The following GALNTL6 variants were observed in gnomAD, a reference collection of about 807,000 sequenced individuals.
GALNTL6 encodes polypeptide N-acetylgalactosaminyltransferase like 6.
A neutral mutation model predicts 73.7 loss-of-function variants in GALNTL6; 46 were observed. That is an observed-to-expected ratio of 0.62 (90% CI 0.49 to 0.80). GALNTL6 has a LOEUF of 0.80. Among genes scored for constraint, GALNTL6 ranks in the 30% least tolerant of loss-of-function variants. The pLI is 0.00. For synonymous variants in GALNTL6, 259 were observed against 263.7 expected (o/e 0.98, Z 0.17); for missense variants, 604 against 755.0 (o/e 0.80, Z 2.34).
chr4:172,974,550 A>G (rs911763119), intron 10 of GALNTL6, among the ~76,000 whole-genome samples: 1 of 152,250 alleles, frequency 6.6e-6, no homozygotes, highest in African/African-American at 2.4e-5. Flanking sequence ...AGATAGCAGT[A>G]GAGGCCACAC....
At chr4:171,917,754 A>T in intron 2 of GALNTL6, among the ~76,000 whole-genome samples, 1 of 152,272 alleles carries the variant, frequency 6.6e-6, no homozygotes, top group East Asian at 1.9e-4. Flanking sequence ...CTTACAAATT[A>T]TAATCAGAAG....
chr4:172,512,534 T>C, intron 5 of GALNTL6, among the ~76,000 whole-genome samples: 1 of 152,190 alleles, frequency 6.6e-6, no homozygotes, highest in Non-Finnish European at 1.5e-5. Context: ...ATTTTATATG[T>C]CCTGTGAGGT....
intron 5 of GALNTL6, among the ~76,000 whole-genome samples, chr4:172,649,698 T>G (rs1390910744): frequency 6.6e-6 from 1 of 152,218 alleles, no homozygotes; most frequent in Non-Finnish European, 1.5e-5. Flanking sequence ...ATAAGTTAAT[T>G]AAGTACGAAG....
chr4:172,325,690 A>G (rs994040430), intron 4 of GALNTL6, among the ~76,000 whole-genome samples: 2 of 151,974 alleles, frequency 1.3e-5, no homozygotes, highest in African/African-American at 4.8e-5. Flanking sequence ...AAATGGTAAA[A>G]TACTCATTTT....
chr4:172,199,389 A>G (rs1310387251), intron 2 of GALNTL6, among the ~76,000 whole-genome samples: 3 of 152,198 alleles, frequency 2.0e-5, no homozygotes, highest in Non-Finnish European at 4.4e-5. Flanking sequence ...ATATAACATG[A>G]TATTTTTGCA....
At chr4:172,823,354 C>A (rs896413636) in intron 7 of GALNTL6, among the ~76,000 whole-genome samples, 1 of 152,218 alleles carries the variant, frequency 6.6e-6, no homozygotes, top group Non-Finnish European at 1.5e-5. Context: ...TTTTCCTAAT[C>A]ATTTCAACAT....
At chr4:172,905,875 C>T (rs1746864253) in intron 8 of GALNTL6, among the ~76,000 whole-genome samples, 1 of 143,314 alleles carries the variant, frequency 7.0e-6, no homozygotes, top group African/African-American at 2.6e-5. Context: ...TAAATTTATC[C>T]TTAACAAAAC....
chr4:173,008,204 G>A (rs1022452278), intron 10 of GALNTL6, among the ~76,000 whole-genome samples: 29 of 152,180 alleles, frequency 1.9e-4, no homozygotes, highest in Admixed American at 7.2e-4. Flanking sequence ...TGGTTCACTC[G>A]CCTCCATCAC....
At chr4:172,994,902 G>A (rs1751707293) in intron 10 of GALNTL6, among the ~76,000 whole-genome samples, 1 of 152,120 alleles carries the variant, frequency 6.6e-6, no homozygotes, top group South Asian at 2.1e-4. Context: ...CTTACACAGA[G>A]CTTAACAACT....
intron 2 of GALNTL6, among the ~76,000 whole-genome samples, chr4:171,881,915 G>A (rs1053193625): frequency 4.6e-5 from 7 of 152,154 alleles, no homozygotes; most frequent in Non-Finnish European, 8.8e-5. Flanking sequence ...ATCCATATGT[G>A]AGCAAAAAGT....
chr4:171,970,688 CA>C, intron 2 of GALNTL6, among the ~76,000 whole-genome samples: 1 of 152,070 alleles, frequency 6.6e-6, no homozygotes, highest in South Asian at 2.1e-4. Context: ...TTTAAAAACT[CA>C]AAAATGTGTT....
intron 2 of GALNTL6, among the ~76,000 whole-genome samples, chr4:171,898,457 C>G (rs2110938430): frequency 6.6e-6 from 1 of 152,100 alleles, no homozygotes; most frequent in East Asian, 1.9e-4. Context: ...ACACAAATAT[C>G]CATCAGCTAG....
chr4:172,398,178 A>G lies in GALNTL6; in HGVS notation c.553+49489A>G, dbSNP rs78918312. ...CAACATTACATATTTTATGGAGAGA[A>G]ATTTAGGAAAACAATTACATATTCT... On this transcript the variant is annotated intron_variant, in intron 5 of 12. Transcript: ENST00000506823. Among the ~76,000 whole-genome samples the G allele has an allele frequency of 1.1e-3, 165 of 152,314 alleles. 2 individuals are homozygous for G. In the East Asian group the frequency reaches 0.025, roughly 23 times the overall value.
intron 2 of GALNTL6, among the ~76,000 whole-genome samples, chr4:172,141,101 A>G (rs1381605273): frequency 1.3e-5 from 2 of 152,054 alleles, no homozygotes; most frequent in Non-Finnish European, 2.9e-5. Flanking sequence ...GAACCAAAGA[A>G]AAATAATTTT....
chr4:172,306,652 T>G (rs1740146851), intron 3 of GALNTL6, among the ~76,000 whole-genome samples: 1 of 152,160 alleles, frequency 6.6e-6, no homozygotes, highest in Non-Finnish European at 1.5e-5. Context: ...GTCCATAATA[T>G]TATTATTATG....
At chr4:172,003,439 T>C (rs1740737536) in intron 2 of GALNTL6, among the ~76,000 whole-genome samples, 1 of 152,152 alleles carries the variant, frequency 6.6e-6, no homozygotes, top group South Asian at 2.1e-4. Flanking sequence ...GTAACTTTTG[T>C]CCATGTTGAG....
chr4:172,364,715 G>C (rs976375156), intron 5 of GALNTL6, among the ~76,000 whole-genome samples: 1 of 152,208 alleles, frequency 6.6e-6, no homozygotes, highest in East Asian at 1.9e-4. Flanking sequence ...AACAAAGAGT[G>C]TGTAGAGGAA....
At chr4:171,878,929 C>T (rs954045648) in intron 2 of GALNTL6, among the ~76,000 whole-genome samples, 2 of 152,102 alleles carry the variant, frequency 1.3e-5, no homozygotes, top group African/African-American at 4.8e-5. Context: ...CTATGTAAAA[C>T]GTGTCTATTT....
intron 5 of GALNTL6, among the ~76,000 whole-genome samples, chr4:172,764,226 G>A (rs1738275146): frequency 6.6e-6 from 1 of 151,996 alleles, no homozygotes; most frequent in Admixed American, 6.6e-5. Flanking sequence ...CCAAAGTGCT[G>A]GATTACAGGC....
Sources: allele counts gnomAD v4.1 joint callset (sites outside exome capture counted in the v4.1 genomes callset), GRCh38; gene constraint gnomAD v4.1.1; transcripts MANE v1.5; gene names NCBI Gene and HGNC (gene_info 2026-07-23, HGNC 2026-07-21).